Variants in NHSL1 observed in about 807,000 individuals in gnomAD.
NHSL1 encodes the protein NHS-like protein 1.
Under a neutral mutation model 95.0 loss-of-function variants are expected in NHSL1, and 48 were observed. That is an observed-to-expected ratio of 0.51 (90% CI 0.40 to 0.64). The LOEUF is 0.64. NHSL1 is among the 30% of genes least tolerant of loss of function. NHSL1 has a pLI of 0.00. For missense variants in NHSL1, 1,971 were observed against 2,077.7 expected, an observed-to-expected ratio of 0.95 and a Z score of 1.00; for synonymous variants, 783 against 833.9, an observed-to-expected ratio of 0.94 and a Z score of 1.05.
intron 1 of NHSL1, among the ~76,000 whole-genome samples, chr6:138,557,372 C>T (rs1783231907): frequency 6.6e-6 from 1 of 152,108 alleles, no homozygotes; most frequent in African/African-American, 2.4e-5. Flanking sequence ...ATGCATCTTC[C>T]AGTCAATACT....
chr6:138,645,284 G>A (rs888078149), intron 1 of NHSL1, among the ~76,000 whole-genome samples: 1 of 152,024 alleles, frequency 6.6e-6, no homozygotes, highest in Non-Finnish European at 1.5e-5. Flanking sequence ...ACAGGGCCCC[G>A]GGCACTCAGC....
At chr6:138,650,644 C>A in intron 1 of NHSL1, 1 of 568,022 alleles carries the variant, frequency 1.8e-6, no homozygotes, top group Non-Finnish European at 3.5e-6. Context: ...CTATCCTTGG[C>A]TTCCCATCCC....
chr6:138,446,945 A>G, intron 4 of NHSL1, 56 bp downstream of exon 4: 4 of 1,492,966 alleles, frequency 2.7e-6, no homozygotes, highest in Non-Finnish European at 3.7e-6. Flanking sequence ...ATAAAACAAA[A>G]AGCTGTAGTC....
chr6:138,653,524 C>A (rs1785118330), intron 1 of NHSL1, among the ~76,000 whole-genome samples: 1 of 152,026 alleles, frequency 6.6e-6, no homozygotes, highest in African/African-American at 2.4e-5. Context: ...ATCGCACCAC[C>A]ACACTCCAGC....
chr6:138,443,366 T>C (rs939381324), intron 4 of NHSL1, among the ~76,000 whole-genome samples: 5 of 152,156 alleles, frequency 3.3e-5, no homozygotes, highest in African/African-American at 7.2e-5. Flanking sequence ...AGAAGACCCT[T>C]GAATACCAGA....
At chr6:138,491,634 A>T (rs1378062557) in intron 2 of NHSL1, among the ~76,000 whole-genome samples, 1 of 152,248 alleles carries the variant, frequency 6.6e-6, no homozygotes, top group Non-Finnish European at 1.5e-5. Context: ...AAGCTGAGTG[A>T]ATTCTTCACA....
intron 7 of NHSL1, among the ~76,000 whole-genome samples, chr6:138,425,918 A>G (rs527897462): frequency 9.0e-6 from 1 of 111,404 alleles, no homozygotes; most frequent in East Asian, 2.9e-4. Flanking sequence ...GATCAAGAAA[A>G]TGTGAGGGGT....
At chr6:138,608,297 C>T (rs9484186) in intron 1 of NHSL1, among the ~76,000 whole-genome samples, 35,657 of 152,054 alleles carry the variant, frequency 0.23, 4,171 homozygotes, top group South Asian at 0.31. Context: ...CAGTTTCCAA[C>T]GAGATAGCCT....
At chr6:138,514,195 G>C (rs1474423517) in intron 1 of NHSL1, among the ~76,000 whole-genome samples, 2 of 152,100 alleles carry the variant, frequency 1.3e-5, no homozygotes, top group African/African-American at 4.8e-5. Context: ...GTGAGCACCT[G>C]TAGTGCCAGG....
At chr6:138,436,142 T>C (rs914687078) in intron 5 of NHSL1, among the ~76,000 whole-genome samples, 1 of 151,756 alleles carries the variant, frequency 6.6e-6, no homozygotes, top group Non-Finnish European at 1.5e-5. Context: ...AAAGGAAGAG[T>C]TGCATGTCTC....
At chr6:138,511,728 T>C (rs1781239623) in intron 1 of NHSL1, among the ~76,000 whole-genome samples, 1 of 152,064 alleles carries the variant, frequency 6.6e-6, no homozygotes, top group Non-Finnish European at 1.5e-5. Flanking sequence ...TTGAGCCCAG[T>C]AGTTCAAGAC....
chr6:138,650,709 C>T (rs574079668), intron 1 of NHSL1: 4 of 547,278 alleles, frequency 7.3e-6, no homozygotes, highest in Admixed American at 1.9e-5. Flanking sequence ...GGTCAACATG[C>T]GGGACACGCA....
chr6:138,470,892 G>C (rs1310019975), intron 3 of NHSL1, among the ~76,000 whole-genome samples: 1 of 152,184 alleles, frequency 6.6e-6, no homozygotes, highest in African/African-American at 2.4e-5. Flanking sequence ...AGTGATGCCA[G>C]TGCCAGCAAA....
At chr6:138,641,763 T>C (rs937098514) in intron 1 of NHSL1, among the ~76,000 whole-genome samples, 14 of 152,158 alleles carry the variant, frequency 9.2e-5, no homozygotes, top group Non-Finnish European at 1.5e-5. Context: ...GTGTCCCTCA[T>C]TCTTTGCTGA....
intron 3 of NHSL1, among the ~76,000 whole-genome samples, chr6:138,461,047 G>A (rs769092516): frequency 7.9e-5 from 12 of 151,982 alleles, no homozygotes; most frequent in East Asian, 1.9e-4. Context: ...CCGAAGGTGC[G>A]AGAAAAAGAA....
At chr6:138,594,382 C>T (rs1241807492) in intron 1 of NHSL1, among the ~76,000 whole-genome samples, 3 of 152,116 alleles carry the variant, frequency 2.0e-5, no homozygotes, top group African/African-American at 7.2e-5. Flanking sequence ...CTGCCAATTT[C>T]GCGGGGCTTC....
upstream of NHSL1, among the ~76,000 whole-genome samples, chr6:138,503,981 A>C (rs1780824594): frequency 6.6e-6 from 1 of 152,136 alleles, no homozygotes; most frequent in Non-Finnish European, 1.5e-5. Flanking sequence ...CTGTAATCCC[A>C]GAGCTTTGGG....
At chr6:138,673,019 C>CTAGATAGATAGGTAGATAGA (rs796084487) in intron 1 of NHSL1, among the ~76,000 whole-genome samples, 2 of 111,600 alleles carry the variant, frequency 1.8e-5, no homozygotes, top group Non-Finnish European at 3.8e-5. Flanking sequence ...TCATAGATAG[C>CTAGATAGATAGGTAGATAGA]TAGATAGATA....
At chr6:138,601,536 G>A (rs1784370376) in intron 1 of NHSL1, among the ~76,000 whole-genome samples, 1 of 152,004 alleles carries the variant, frequency 6.6e-6, no homozygotes, top group South Asian at 2.1e-4. Flanking sequence ...TTTCTTGCCC[G>A]GGCACGGTGG....
Sources: allele counts gnomAD v4.1 joint callset (sites outside exome capture counted in the v4.1 genomes callset), GRCh38; gene constraint gnomAD v4.1.1; transcripts MANE v1.5; gene names NCBI Gene and HGNC (gene_info 2026-07-23, HGNC 2026-07-21).